MCOLN2: variants seen among roughly 807,000 people sequenced by gnomAD.
MCOLN2 encodes mucolipin TRP cation channel 2, also known as mucolipin-2.
In MCOLN2, 57 loss-of-function variants were observed where a neutral mutation model predicts 67.5. The ratio of observed to expected loss-of-function variants is 0.84; its 90% CI spans 0.68 to 1.05. The LOEUF (loss-of-function observed/expected upper bound fraction) is 1.05. Among genes scored for constraint, MCOLN2 ranks in the 50% least tolerant of loss-of-function variants. The pLI is 0.00. For synonymous variants in MCOLN2, 246 were observed against 233.3 expected, an observed-to-expected ratio of 1.05 and a Z score of -0.50; for missense variants, 620 against 678.8, an observed-to-expected ratio of 0.91 and a Z score of 0.96.
chr1:84,991,442 C>A (rs1189689063), intron 1 of MCOLN2, among the ~76,000 whole-genome samples: 1 of 152,156 alleles, frequency 6.6e-6, no homozygotes, highest in African/African-American at 2.4e-5. Context: ...AGAAAAATAT[C>A]TAGCCAACTG....
intron 6 of MCOLN2, among the ~76,000 whole-genome samples, chr1:84,949,011 T>A (rs964904896): frequency 2.0e-5 from 3 of 152,106 alleles, no homozygotes; most frequent in African/African-American, 7.2e-5. Flanking sequence ...GTGCCTGCAA[T>A]CCCAGCCACT....
At chr1:84,978,581 T>C (rs1254156540) in intron 1 of MCOLN2, among the ~76,000 whole-genome samples, 1 of 152,126 alleles carries the variant, frequency 6.6e-6, no homozygotes, top group Non-Finnish European at 1.5e-5. Flanking sequence ...TATGAGCAAC[T>C]ATATACCAAT....
chr1:84,991,288 G>A (rs1017795998), intron 1 of MCOLN2, among the ~76,000 whole-genome samples: 1 of 152,162 alleles, frequency 6.6e-6, no homozygotes, highest in Non-Finnish European at 1.5e-5. Context: ...TAATGACTGT[G>A]TTGGCCCCAG....
rs1023365446 is a variant in MCOLN2, at chr1:84,991,788, C to T, written c.77+5008G>A. ...AGGGCTGCATACTTTTAAAGTGCTT[C>T]TTCTAAACAAGCCACACTCCTTTGG... On this transcript the variant is annotated intron_variant, in intron 1 of 13. Transcript: ENST00000370608. Among the ~76,000 whole-genome samples, 10 of 152,250 alleles carry T rather than the reference C, an allele frequency of 6.6e-5. No individual in the cohort carries two copies. The East Asian group carries it at 1.9e-3, about 29-fold the overall frequency.
chr1:84,976,507 C>A (rs760194141), intron 1 of MCOLN2, among the ~76,000 whole-genome samples: 4 of 152,154 alleles, frequency 2.6e-5, no homozygotes, highest in African/African-American at 9.7e-5. Context: ...GTGGCTCACA[C>A]CTGTAATCCC....
intron 1 of MCOLN2, among the ~76,000 whole-genome samples, chr1:84,993,399 A>T (rs1270253347): frequency 6.6e-6 from 1 of 152,204 alleles, no homozygotes; most frequent in East Asian, 1.9e-4. Context: ...CTCTACTGAA[A>T]TCTGGACCCC....
At chr1:84,975,987 A>G (rs1474527655) in intron 1 of MCOLN2, among the ~76,000 whole-genome samples, 1 of 152,058 alleles carries the variant, frequency 6.6e-6, no homozygotes, top group African/African-American at 2.4e-5. Context: ...ACAGTCAGAG[A>G]AGACAAAAGA....
intron 13 of MCOLN2, among the ~76,000 whole-genome samples, chr1:84,927,681 G>C (rs1256557022): frequency 6.6e-6 from 1 of 152,256 alleles, no homozygotes; most frequent in Non-Finnish European, 1.5e-5. Flanking sequence ...ATGGTCACCA[G>C]ACAGGGGGCA....
chr1:84,926,780 G>T, intron 13 of MCOLN2, 59 bp from the exon 14 acceptor site: 1 of 1,318,072 alleles, frequency 7.6e-7, no homozygotes, highest in South Asian at 1.4e-5. Context: ...CATCTTTGAG[G>T]AGCAATAGGA....
intron 1 of MCOLN2, among the ~76,000 whole-genome samples, chr1:84,967,976 A>T (rs900293128): frequency 6.6e-6 from 1 of 152,084 alleles, no homozygotes; most frequent in Admixed American, 6.5e-5. Context: ...AAGATTGAAG[A>T]GTTAAGGAGA....
At chr1:84,934,773 C>T (rs751406934) in intron 11 of MCOLN2, among the ~76,000 whole-genome samples, 1 of 152,202 alleles carries the variant, frequency 6.6e-6, no homozygotes, top group Non-Finnish European at 1.5e-5. Context: ...CATCAACAGT[C>T]TCTCACCCTC....
At chr1:84,936,901 A>C (rs906670353) in intron 11 of MCOLN2, among the ~76,000 whole-genome samples, 5 of 152,204 alleles carry the variant, frequency 3.3e-5, no homozygotes, top group African/African-American at 1.2e-4. Context: ...AGAGCACCTA[A>C]GTGAGGCTAA....
intron 4 of MCOLN2, among the ~76,000 whole-genome samples, chr1:84,953,568 A>G (rs1648622778): frequency 1.4e-5 from 2 of 144,828 alleles, no homozygotes; most frequent in Non-Finnish European, 3.0e-5. Context: ...AAAAAAAAAA[A>G]TGTTAGTATT....
In MCOLN2 at chr1:84,980,031, G is replaced by A. The variant is rs549957046; in HGVS notation, c.78-14323C>T. On this transcript the variant is annotated intron_variant, in intron 1 of 13. Coordinates refer to ENST00000370608, the MANE Select transcript of MCOLN2 (RefSeq NM_153259.4). ...ATCAGTAGCATTTCTATGTGCAAGA[G>A]TAAGCAATCTGAAAAAGAAAATTAA... 6.0e-4 allele frequency among the ~76,000 whole-genome samples: 92 copies of A among 152,166 alleles called. 1 individual carries two copies. The highest frequency in any genetic ancestry group is 9.7e-4 in the Non-Finnish European group (66 of 67,962).
chr1:84,979,361 C>G (rs1650143373), intron 1 of MCOLN2, among the ~76,000 whole-genome samples: 1 of 152,030 alleles, frequency 6.6e-6, no homozygotes, highest in East Asian at 1.9e-4. Context: ...CAAAACCAGA[C>G]AAAGACACAT....
rs12069142 is a variant in MCOLN2, at chr1:84,940,007, A to G, written c.961-305T>C. ...ATATTACCAACACATCCATTCCGAT[A>G]ACAACCCAATGAAGCAGGTACGAGC... On this transcript the variant is annotated intron_variant, in intron 8 of 13. Coordinates refer to ENST00000370608, the MANE Select transcript of MCOLN2 (RefSeq NM_153259.4). 7.2e-3 allele frequency among the ~76,000 whole-genome samples: 1,095 copies of G among 152,266 alleles called. 13 individuals are homozygous for G. Among genetic ancestry groups the G allele is most frequent in the African/African-American group, 0.024 (997 of 41,534 alleles).
intron 1 of MCOLN2, among the ~76,000 whole-genome samples, chr1:84,966,183 T>C (rs1649373519): frequency 6.6e-6 from 1 of 151,916 alleles, no homozygotes; most frequent in African/African-American, 2.4e-5. Flanking sequence ...ACCCAGGAGA[T>C]GGAGGTTGCA....
intron 4 of MCOLN2, among the ~76,000 whole-genome samples, chr1:84,954,913 G>A (rs1648700044): frequency 6.6e-6 from 1 of 152,210 alleles, no homozygotes; most frequent in African/African-American, 2.4e-5. Context: ...GTACTATGAA[G>A]ATAAAGTGAA....
chr1:84,982,961 AC>A, intron 1 of MCOLN2, among the ~76,000 whole-genome samples: 1 of 151,832 alleles, frequency 6.6e-6, no homozygotes, highest in African/African-American at 2.4e-5. Flanking sequence ...CAGGTGATCC[AC>A]CCACCCTGGC....
Sources: allele counts gnomAD v4.1 joint callset (sites outside exome capture counted in the v4.1 genomes callset), GRCh38; gene constraint gnomAD v4.1.1; transcripts MANE v1.5; gene names NCBI Gene and HGNC (gene_info 2026-07-23, HGNC 2026-07-21).